Variants in GCFC2 observed in about 807,000 individuals in gnomAD.
GCFC2 encodes GC-rich sequence DNA-binding factor 2, also known as intron Large complex component GCFC2.
In GCFC2, 102 loss-of-function variants were observed where a neutral mutation model predicts 99.4. That is an observed-to-expected ratio of 1.03 (90% CI 0.87 to 1.21). The LOEUF is 1.21. Among genes scored for constraint, GCFC2 ranks in the 50% most tolerant of loss-of-function variants. The probability of loss-of-function intolerance (pLI) is 0.00; values close to 1 mark genes in which losing one functional copy is unlikely to be tolerated. For missense variants in GCFC2, 973 were observed against 920.9 expected (o/e 1.06, Z -0.73); for synonymous variants, 338 against 316.8 (o/e 1.07, Z -0.71).
chr2:75,665,666 A>C (rs2104173544), intron 16 of GCFC2, among the ~76,000 whole-genome samples: 1 of 152,316 alleles, frequency 6.6e-6, no homozygotes, highest in African/African-American at 2.4e-5. Flanking sequence ...GTGCTTAATA[A>C]AATGTTTTTG....
chr2:75,687,722 G>T, intron 11 of GCFC2, 105 bp downstream of exon 11: 1 of 887,486 alleles, frequency 1.1e-6, no homozygotes, highest in Non-Finnish European at 1.8e-6. Flanking sequence ...ACATTTCCTT[G>T]AGATTAAAAA....
chr2:75,696,312 T>C lies in GCFC2; in HGVS notation c.721A>G (p.Arg241Gly), dbSNP rs748968769. The part of the protein sequence containing the change: ...MRKAVKIIEE[R>G]DIDLSCGNGS... ...TTGCCACAGGAAAGATCTATGTCTC[T>C]TTCCTAAAAAAGTAAAAATAGATTT... The change falls in exon 5 of 17, where the codon AGA becomes GGA. Residue 241 changes from arginine to glycine, a missense_variant. Arg to Gly is a moderately radical substitution (Grantham distance 125). Transcript: ENST00000321027. The C allele has an allele frequency of 8.9e-6, 11 of 1,233,046 alleles. No individual in the cohort carries two copies. Among genetic ancestry groups the C allele is most frequent in the Middle Eastern group, 1.9e-4 (1 of 5,294 alleles). 76.4% of individuals were successfully genotyped at this position (1,233,046 alleles called of 1,614,324 possible). A position where few individuals can be genotyped will look rare whatever the true frequency, so the allele number is the denominator to read the frequency against.
At chr2:75,711,246 C>G, upstream of GCFC2, 1 of 983,766 alleles carries the variant, frequency 1.0e-6, no homozygotes, top group Non-Finnish European at 1.2e-6. Context: ...TTGTCTTTTA[C>G]TTTCTGGAGA....
Position 75,689,010 on chromosome 2 carries a change from T to C in GCFC2, c.1539+16A>G, listed in dbSNP as rs763735210. 4 of 1,361,428 alleles carry C rather than the reference T, an allele frequency of 2.9e-6. No individual in the cohort carries two copies. The highest frequency in any genetic ancestry group is 1.8e-4 in the Middle Eastern group (1 of 5,532). 84.3% of individuals were successfully genotyped at this position (1,361,428 alleles called of 1,614,324 possible). On this transcript the variant is annotated intron_variant, in intron 10 of 16. Transcript: ENST00000321027. ...AATATAATCAGGATAATTTTTCATATGTTAAGCATAAATACCTTAAGAGGA... is the reference window on the plus strand; with the variant it reads ...AATATAATCAGGATAATTTTTCATACGTTAAGCATAAATACCTTAAGAGGA...
chr2:75,687,714 A>G (rs1397057416), intron 11 of GCFC2, 113 bp downstream of exon 11: 3 of 860,404 alleles, frequency 3.5e-6, no homozygotes, highest in Non-Finnish European at 5.6e-6. Flanking sequence ...TACATATAAC[A>G]TTTCCTTGAG....
chr2:75,673,543 C>T (rs1679217116), intron 12 of GCFC2, 23 bp from the exon 13 acceptor site: 2 of 961,874 alleles, frequency 2.1e-6, no homozygotes, highest in African/African-American at 3.2e-5. Flanking sequence ...ATTTGAAAAG[C>T]ATCAGTGATA....
chr2:75,696,556 G>A (rs1038266299), intron 4 of GCFC2, among the ~76,000 whole-genome samples: 2 of 152,104 alleles, frequency 1.3e-5, no homozygotes, highest in African/African-American at 2.4e-5. Context: ...TAGTTTTGAA[G>A]CTAATTTTGG....
chr2:75,687,417 G>A (rs1012860616), intron 11 of GCFC2, among the ~76,000 whole-genome samples: 12 of 152,116 alleles, frequency 7.9e-5, no homozygotes, highest in African/African-American at 2.9e-4. Flanking sequence ...ATAGAACAGA[G>A]AAGGTAAGTG....
rs757701832 is a variant in GCFC2, at chr2:75,710,786, CCT to C, written c.68_69del (p.Glu23GlyfsTer5). 1.3e-6 allele frequency: 2 copies of C among 1,576,416 alleles called. No individual in the cohort carries two copies. The highest frequency in any genetic ancestry group is 3.5e-5 in the Admixed American group (2 of 57,534). On this transcript the variant is annotated frameshift_variant, in exon 1 of 17. Transcript: ENST00000321027. LOFTEE classifies it high-confidence loss of function. ...AADSSDSDGA[E>X]ESPAEPGAPR... is the part of the protein sequence containing the mutation. ...GGCGCCCCAGGCTCAGCAGGCGACT[CCT>C]CGGCGCCATCGCTGTCGCTGGAATC...
chr2:75,710,928 G>A, upstream of GCFC2: 1 of 1,391,100 alleles, frequency 7.2e-7, no homozygotes. Flanking sequence ...CCGCCCCCTA[G>A]GGCGCGCTCC....
chr2:75,710,684 G>A lies in GCFC2; in HGVS notation c.172C>T (p.Pro58Ser). 1.3e-6 allele frequency: 2 copies of A among 1,525,294 alleles called. No individual in the cohort carries two copies. The highest frequency in any genetic ancestry group is 1.8e-6 in the Non-Finnish European group (2 of 1,141,718). 94.5% of individuals were successfully genotyped at this position (1,525,294 alleles called of 1,614,324 possible). Reference sequence around the variant, plus strand: ...CCACGAGGGCCCCGAACCCGGTGGGGCAGTCCCGCCACCTGCGCGCGGCCT... The same window carrying A: ...CCACGAGGGCCCCGAACCCGGTGGGACAGTCCCGCCACCTGCGCGCGGCCT... ...GGGRAQVAGL[P>S]HRVRGPRGRG... Residue 58 changes from proline to serine, a missense_variant, in exon 1 of 17, where the codon CCC becomes TCC. Transcript: ENST00000321027.
At chr2:75,702,485 C>T (rs977468780) in intron 2 of GCFC2, 62 bp from the exon 3 acceptor site, 3 of 1,325,698 alleles carry the variant, frequency 2.3e-6, no homozygotes, top group Admixed American at 2.6e-5. Context: ...ATATTCCTCA[C>T]ATTTAAGAAA....
intron 11 of GCFC2, among the ~76,000 whole-genome samples, chr2:75,681,427 G>A (rs572286076): frequency 3.0e-4 from 46 of 150,948 alleles, no homozygotes; most frequent in Middle Eastern, 6.8e-3. Context: ...CACGGTCTTC[G>A]CAACCGGCAG....
At chr2:75,692,996 T>C (rs1377357744) in intron 6 of GCFC2, among the ~76,000 whole-genome samples, 2 of 152,194 alleles carry the variant, frequency 1.3e-5, no homozygotes, top group African/African-American at 4.8e-5. Flanking sequence ...GCTGACAAAA[T>C]TTTAACAGTG....
chr2:75,663,789 G>A lies in GCFC2; in HGVS notation c.*877C>T, dbSNP rs930019555. 2.6e-5 allele frequency: 4 copies of A among 152,294 alleles called. No homozygotes were observed. The highest frequency in any genetic ancestry group is 9.7e-5 in the African/African-American group (4 of 41,396). The allele number at this position is 152,294 out of a possible 1,614,324, so 9.4% of individuals were successfully genotyped here. ...GTGGGAGGATTGCTTGAGCCCAGAA[G>A]GCAGAGGTTGCAGTGAGCCGAGATT... On this transcript the variant is annotated 3_prime_UTR_variant, in exon 17 of 17. Coordinates refer to ENST00000321027, the MANE Select transcript of GCFC2 (RefSeq NM_003203.5).
Position 75,665,957 on chromosome 2 carries a change from C to A in GCFC2, c.2200G>T (p.Ala734Ser). ...ENFIQFLLQS[A>S]HKLSRSEFRD... ...AATTCACTTCTAGATAATTTATGTG[C>A]AGACTGCAATAAAAACTGAATGAAG... The change falls in exon 16 of 17, where the codon GCA becomes TCA. Residue 734 changes from alanine (A) to serine (S), a missense_variant. Coordinates refer to ENST00000321027, the MANE Select transcript of GCFC2 (RefSeq NM_003203.5). 1 of 1,593,878 alleles carries A rather than the reference C, an allele frequency of 6.3e-7. No homozygotes were observed.
At chr2:75,670,506 A>C in intron 14 of GCFC2, 1 of 373,542 alleles carries the variant, frequency 2.7e-6, no homozygotes, top group Non-Finnish European at 5.0e-6. Flanking sequence ...CCATCCCCAA[A>C]TCTATCTCAA....
At chr2:75,711,533 T>C (rs531404533), upstream of GCFC2, among the ~76,000 whole-genome samples, 5 of 152,378 alleles carry the variant, frequency 3.3e-5, no homozygotes, top group African/African-American at 1.2e-4. Context: ...TGTATCTGTA[T>C]GGTAGAAATA....
intron 6 of GCFC2, 78 bp from the exon 7 acceptor site, chr2:75,692,178 A>G (rs899233820): frequency 2.9e-6 from 1 of 346,366 alleles, no homozygotes; most frequent in African/African-American, 2.1e-5. Flanking sequence ...TATAAAAGTA[A>G]TATTTAGAAG....
Sources: allele counts gnomAD v4.1 joint callset (sites outside exome capture counted in the v4.1 genomes callset), GRCh38; gene constraint gnomAD v4.1.1; transcripts MANE v1.5; gene names NCBI Gene and HGNC (gene_info 2026-07-23, HGNC 2026-07-21).